The following FAM227B variants were observed in gnomAD, a reference collection of about 807,000 sequenced individuals.
FAM227B encodes the protein family with sequence similarity 227 member B, also known as protein FAM227B.
A neutral mutation model predicts 73.8 loss-of-function variants in FAM227B; 88 were observed. The observed-to-expected ratio is 1.19, with a 90% CI of 1.00 to 1.42. The LOEUF (loss-of-function observed/expected upper bound fraction) is 1.42. FAM227B is among the 40% of genes most tolerant of loss of function. The pLI, the probability that FAM227B is intolerant of heterozygous loss-of-function variation, is 0.00. For missense variants in FAM227B, 632 were observed against 590.9 expected (o/e 1.07, Z -0.72); for synonymous variants, 210 against 190.5 (o/e 1.10, Z -0.84).
At chr15:49,397,942 A>G (rs1252068600) in intron 11 of FAM227B, among the ~76,000 whole-genome samples, 1 of 152,232 alleles carries the variant, frequency 6.6e-6, no homozygotes, top group Non-Finnish European at 1.5e-5. Context: ...GCATCAACTA[A>G]CCAGCAAAAT....
intron 11 of FAM227B, among the ~76,000 whole-genome samples, chr15:49,378,739 T>C (rs2046329449): frequency 6.6e-6 from 1 of 152,182 alleles, no homozygotes; most frequent in Non-Finnish European, 1.5e-5. Flanking sequence ...GATAAACTCA[T>C]CTGCAGATAA....
At chr15:49,342,077 A>G (rs185932459) in intron 13 of FAM227B, among the ~76,000 whole-genome samples, 1 of 152,074 alleles carries the variant, frequency 6.6e-6, no homozygotes, top group East Asian at 1.9e-4. Context: ...TCAAGTCCTG[A>G]GTTTTTTTGT....
chr15:49,491,695 T>C (rs956085667), intron 11 of FAM227B, among the ~76,000 whole-genome samples: 3 of 149,408 alleles, frequency 2.0e-5, no homozygotes, highest in African/African-American at 5.0e-5. Flanking sequence ...AATATAGTAA[T>C]TGATTGCACA....
intron 11 of FAM227B, among the ~76,000 whole-genome samples, chr15:49,472,154 A>C (rs2054839830): frequency 6.6e-6 from 1 of 152,218 alleles, no homozygotes; most frequent in Admixed American, 6.5e-5. Flanking sequence ...CATTTTATGA[A>C]GAACGCATTT....
intron 10 of FAM227B, among the ~76,000 whole-genome samples, chr15:49,519,851 TCTC>T (rs2059656307): frequency 6.6e-6 from 1 of 152,202 alleles, no homozygotes; most frequent in East Asian, 1.9e-4. Flanking sequence ...GGTTTGAATT[TCTC>T]CTCAGAAAAT....
intron 1 of FAM227B, among the ~76,000 whole-genome samples, chr15:49,617,027 T>C (rs1291620317): frequency 6.6e-6 from 1 of 152,188 alleles, no homozygotes; most frequent in Non-Finnish European, 1.5e-5. Context: ...GATTTATTCT[T>C]ATCTTTATTA....
intron 9 of FAM227B, among the ~76,000 whole-genome samples, chr15:49,557,613 A>C (rs932346815): frequency 1.3e-5 from 2 of 152,170 alleles, no homozygotes; most frequent in Admixed American, 6.5e-5. Flanking sequence ...CCAACAGAGA[A>C]CAAGAGGAGC....
chr15:49,379,247 A>T (rs187498710), intron 11 of FAM227B, among the ~76,000 whole-genome samples: 1 of 152,170 alleles, frequency 6.6e-6, no homozygotes, highest in East Asian at 1.9e-4. Context: ...TTAATCAGAG[A>T]TATTGGTCTG....
chr15:49,480,125 A>G (rs1263596175), intron 11 of FAM227B, among the ~76,000 whole-genome samples: 1 of 152,138 alleles, frequency 6.6e-6, no homozygotes, highest in African/African-American at 2.4e-5. Context: ...TTCCCAAGCA[A>G]TTGTCTTTTA....
chr15:49,532,576 T>C (rs2060691060), intron 10 of FAM227B, among the ~76,000 whole-genome samples: 1 of 151,576 alleles, frequency 6.6e-6, no homozygotes, highest in Admixed American at 6.6e-5. Context: ...GGAATGAAAA[T>C]TGCTTCAGAA....
intron 11 of FAM227B, among the ~76,000 whole-genome samples, chr15:49,429,097 A>C (rs2050370598): frequency 6.6e-6 from 1 of 152,020 alleles, no homozygotes; most frequent in Admixed American, 6.6e-5. Flanking sequence ...AGTTCTTAGC[A>C]AGTTATCTAA....
chr15:49,507,001 G>T (rs542225130), intron 11 of FAM227B, among the ~76,000 whole-genome samples: 32 of 152,140 alleles, frequency 2.1e-4, no homozygotes, highest in Non-Finnish European at 4.0e-4. Flanking sequence ...TCATATGTGA[G>T]GGTGAGAAGT....
intron 10 of FAM227B, among the ~76,000 whole-genome samples, chr15:49,511,120 C>T (rs930180594): frequency 1.3e-5 from 2 of 151,238 alleles, no homozygotes; most frequent in African/African-American, 4.9e-5. Flanking sequence ...TGAAGTAATT[C>T]TTTGATTATT....
chr15:49,574,822 C>T, intron 8 of FAM227B, 189 bp downstream of exon 8: 2 of 342,944 alleles, frequency 5.8e-6, no homozygotes, highest in Non-Finnish European at 1.1e-5. Context: ...CTTTTGAAAT[C>T]TATATTAAAG....
At chr15:49,481,869 G>A (rs2055979412) in intron 11 of FAM227B, among the ~76,000 whole-genome samples, 1 of 152,050 alleles carries the variant, frequency 6.6e-6, no homozygotes, top group African/African-American at 2.4e-5. Flanking sequence ...TTGGGAAAAG[G>A]GCTTCTATAT....
intron 13 of FAM227B, among the ~76,000 whole-genome samples, chr15:49,348,570 C>A (rs183820340): frequency 6.6e-6 from 1 of 152,262 alleles, no homozygotes; most frequent in African/African-American, 2.4e-5. Flanking sequence ...CAGAATCACT[C>A]GGAGCCAGAG....
chr15:49,375,678 G>C (rs1224321707), intron 11 of FAM227B, among the ~76,000 whole-genome samples: 3 of 151,942 alleles, frequency 2.0e-5, no homozygotes, highest in Admixed American at 2.0e-4. Flanking sequence ...CTTTCCTATA[G>C]AATGAAAAAC....
At position 49,341,214 on chromosome 15, in the gene FAM227B, T is replaced by C. The variant is rs539606715; in HGVS notation, c.1272-5718A>G. Among the ~76,000 whole-genome samples the C allele has an allele frequency of 7.2e-5, 11 of 152,316 alleles. No individual in the cohort carries two copies. In the South Asian group the frequency reaches 2.3e-3, roughly 32 times the overall value. ...GGGTAATATGATGCCTTCAGCTTTG[T>C]TCTTTTTGCTTAGGATTTTTTTTGG... On this transcript the variant is annotated intron_variant, in intron 13 of 15. Coordinates refer to ENST00000299338, the MANE Select transcript of FAM227B (RefSeq NM_152647.3).
At chr15:49,393,722 C>T (rs1230201113) in intron 11 of FAM227B, among the ~76,000 whole-genome samples, 1 of 152,064 alleles carries the variant, frequency 6.6e-6, no homozygotes, top group Non-Finnish European at 1.5e-5. Flanking sequence ...AAGCTCCTAC[C>T]CTGACTACTG....
Sources: gnomAD v4.1 joint callset for allele counts (sites outside exome capture counted in the v4.1 genomes callset) on GRCh38, gnomAD v4.1.1 for gene constraint, MANE v1.5 for transcripts, NCBI Gene and HGNC (gene_info 2026-07-23, HGNC 2026-07-21) for gene names.